Variants in RAPGEF4 observed in about 807,000 individuals in gnomAD.
The protein encoded by RAPGEF4 is RAP guanine-nucleotide-exchange factor (GEF) 4.
In RAPGEF4, 66 loss-of-function variants were observed where a neutral mutation model predicts 147.9. The ratio of observed to expected loss-of-function variants is 0.45; its 90% confidence interval spans 0.37 to 0.55. The LOEUF is 0.55. Ranked by LOEUF, RAPGEF4 falls within the 20% of genes least tolerant of loss-of-function variation. The pLI is 0.00. For missense variants in RAPGEF4, 1,071 were observed against 1,257.3 expected, an observed-to-expected ratio of 0.85 and a Z score of 2.24; for synonymous variants, 419 against 442.7, an observed-to-expected ratio of 0.95 and a Z score of 0.67.
At chr2:172,832,639 C>T (rs539477900) in intron 4 of RAPGEF4, among the ~76,000 whole-genome samples, 2 of 152,280 alleles carry the variant, frequency 1.3e-5, no homozygotes, top group East Asian at 1.9e-4. Context: ...CTTCCTAGCT[C>T]GGACATGTGT....
intron 17 of RAPGEF4, 45 bp downstream of exon 17, chr2:173,001,389 ACCC>A: frequency 6.2e-7 from 1 of 1,609,816 alleles, no homozygotes; most frequent in Non-Finnish European, 8.5e-7. Context: ...CTCGAAGACA[ACCC>A]CCCCTATCGA....
At chr2:172,760,179 C>G (rs1040149374) in intron 1 of RAPGEF4, among the ~76,000 whole-genome samples, 8 of 152,040 alleles carry the variant, frequency 5.3e-5, no homozygotes, top group African/African-American at 9.7e-5. Flanking sequence ...ACCTCCACCC[C>G]CATCAGCAAA....
intron 4 of RAPGEF4, chr2:172,889,824 A>C: frequency 1.0e-6 from 1 of 981,356 alleles, no homozygotes; most frequent in Non-Finnish European, 1.2e-6. Context: ...AAACTCCTGG[A>C]CCATATGTGG....
chr2:173,003,582 T>C (rs1311360117), intron 17 of RAPGEF4, among the ~76,000 whole-genome samples: 3 of 152,176 alleles, frequency 2.0e-5, no homozygotes, highest in African/African-American at 7.2e-5. Context: ...TAGCTTTGTG[T>C]TACAAATCAG....
chr2:172,805,917 G>A (rs1271074607), intron 3 of RAPGEF4, among the ~76,000 whole-genome samples: 1 of 151,808 alleles, frequency 6.6e-6, no homozygotes, highest in Non-Finnish European at 1.5e-5. Flanking sequence ...ATCGATTTAG[G>A]GTTAGAGATG....
intron 4 of RAPGEF4, among the ~76,000 whole-genome samples, chr2:172,881,521 C>T (rs1575123241): frequency 6.6e-6 from 1 of 152,204 alleles, no homozygotes; most frequent in African/African-American, 2.4e-5. Context: ...ATGCCATGGA[C>T]TGAGCTAGAA....
chr2:172,856,915 G>C (rs1391147278), intron 4 of RAPGEF4, among the ~76,000 whole-genome samples: 1 of 152,116 alleles, frequency 6.6e-6, no homozygotes, highest in Non-Finnish European at 1.5e-5. Context: ...TAGATGAAAA[G>C]TTATAAAAAT....
Position 173,051,869 on chromosome 2 carries a change from A to T in RAPGEF4, c.*102A>T. On this transcript the variant is annotated 3_prime_UTR_variant, in exon 31 of 31. Transcript: ENST00000397081. ...TGTATTGCCACTAGAGAATTCTACAAAACAAGCAAAAACACATCCTGAGAC... is the reference window on the plus strand; with the variant it reads ...TGTATTGCCACTAGAGAATTCTACATAACAAGCAAAAACACATCCTGAGAC... The T allele has an allele frequency of 7.5e-7, 1 of 1,340,876 alleles. No individual in the cohort carries two copies. The highest frequency in any genetic ancestry group is 2.0e-5 in the Admixed American group (1 of 51,088). The allele number at this position is 1,340,876 out of a possible 1,614,324, so 83.1% of individuals were successfully genotyped here.
At chr2:172,843,107 AGGTGGTGTCATTAACTGGGAGTT>A (rs1691800259) in intron 4 of RAPGEF4, among the ~76,000 whole-genome samples, 1 of 152,082 alleles carries the variant, frequency 6.6e-6, no homozygotes, top group Non-Finnish European at 1.5e-5. Flanking sequence ...GGATCGTTGG[AGGTGGTGTCATTAACTGGGAGTT>A]TATTACAGTA....
At chr2:172,869,752 T>C (rs2149805178) in intron 4 of RAPGEF4, among the ~76,000 whole-genome samples, 1 of 152,306 alleles carries the variant, frequency 6.6e-6, no homozygotes, top group East Asian at 1.9e-4. Flanking sequence ...TGTGTGTTTG[T>C]TTATCTGCTC....
intron 3 of RAPGEF4, among the ~76,000 whole-genome samples, chr2:172,813,741 T>C (rs1221273396): frequency 6.6e-6 from 1 of 151,866 alleles, no homozygotes; most frequent in Admixed American, 6.6e-5. Flanking sequence ...TGAAAACAGA[T>C]AGTAGTTGTA....
At chr2:172,821,641 G>A (rs1000392244) in intron 4 of RAPGEF4, 4 of 1,020,992 alleles carry the variant, frequency 3.9e-6, no homozygotes, top group Non-Finnish European at 3.5e-6. Flanking sequence ...TCTGCACCAG[G>A]GTCTCATTCC....
intron 4 of RAPGEF4, chr2:172,859,941 A>C (rs555585577): frequency 1.3e-6 from 1 of 785,096 alleles, no homozygotes; most frequent in African/African-American, 1.9e-5. Context: ...TAGAATAAAC[A>C]GTGGAATCCT....
intron 6 of RAPGEF4, among the ~76,000 whole-genome samples, chr2:172,940,125 T>A (rs1488317858): frequency 6.6e-6 from 1 of 152,216 alleles, no homozygotes; most frequent in African/African-American, 2.4e-5. Context: ...ACTTAGAATT[T>A]GTCTAATGTT....
At position 173,027,228 on chromosome 2, in the gene RAPGEF4, C is replaced by T; in HGVS notation, c.2527C>T (p.Leu843=). 6.3e-7 allele frequency: 1 copy of T among 1,597,220 alleles called. No individual in the cohort carries two copies. Among genetic ancestry groups the T allele is most frequent in the Non-Finnish European group, 8.5e-7 (1 of 1,175,550 alleles). The change falls in exon 25 of 31, where the codon CTA becomes TTA. Residue 843 remains leucine (L), a synonymous_variant. Transcript: ENST00000397081. The part of the protein sequence containing the change: ...LCSQLSKRVQ[L]LKKFIKIAAH... The stretch of plus-strand genomic sequence containing the variant: ...TTCTCAGCTCAGCAAGCGTGTTCAG[C>T]TATTAAAAAAATTTATTAAGATAGC...
At chr2:172,800,004 C>G (rs1686810875) in intron 3 of RAPGEF4, among the ~76,000 whole-genome samples, 1 of 152,160 alleles carries the variant, frequency 6.6e-6, no homozygotes, top group African/African-American at 2.4e-5. Context: ...GGGTTATTAG[C>G]TACAGATTCA....
chr2:172,853,279 A>C (rs984360466), intron 4 of RAPGEF4, among the ~76,000 whole-genome samples: 33 of 151,954 alleles, frequency 2.2e-4, no homozygotes, highest in African/African-American at 7.2e-4. Context: ...TTTCTTTATG[A>C]GGATTTTGAT....
intron 6 of RAPGEF4, among the ~76,000 whole-genome samples, chr2:172,930,405 C>CT (rs1407276975): frequency 1.3e-5 from 2 of 152,072 alleles, no homozygotes; most frequent in Non-Finnish European, 2.9e-5. Context: ...ATCATGCCTT[C>CT]TTTTTTAAAA....
rs1458073721 is a variant in RAPGEF4 at position 172,962,247 on chromosome 2, T to C, written c.698+1019T>C. ...GCCCTCTTTCAGCAATCAGTGAGACTCTCTTTCCCATTTAGCCTAGACATG... is the reference window on the plus strand; with the variant it reads ...GCCCTCTTTCAGCAATCAGTGAGACCCTCTTTCCCATTTAGCCTAGACATG... On this transcript the variant is annotated intron_variant, in intron 8 of 30. Coordinates refer to ENST00000397081, the MANE Select transcript of RAPGEF4 (RefSeq NM_007023.4). 8.5e-5 allele frequency among the ~76,000 whole-genome samples: 13 copies of C among 152,146 alleles called. 1 individual carries two copies.
Sources: gnomAD v4.1 joint callset for allele counts (sites outside exome capture counted in the v4.1 genomes callset) on GRCh38, gnomAD v4.1.1 for gene constraint, MANE v1.5 for transcripts, NCBI Gene and HGNC (gene_info 2026-07-23, HGNC 2026-07-21) for gene names.